TIAM1: variants seen among roughly 807,000 people sequenced by gnomAD.
TIAM1 encodes the protein rho guanine nucleotide exchange factor TIAM1.
A neutral mutation model predicts 163.5 loss-of-function variants in TIAM1; 65 were observed. The observed-to-expected ratio is 0.40, with a 90% CI of 0.33 to 0.49. The LOEUF is 0.49. Among genes scored for constraint, TIAM1 ranks in the 20% least tolerant of loss-of-function variants. TIAM1 has a pLI of 0.77. For missense variants in TIAM1, 1,789 were observed against 2,044.7 expected, an observed-to-expected ratio of 0.87 and a Z score of 2.41; for synonymous variants, 833 against 810.1, an observed-to-expected ratio of 1.03 and a Z score of -0.48.
At chr21:31,475,699 C>A (rs1602373252) in intron 1 of TIAM1, among the ~76,000 whole-genome samples, 1 of 152,360 alleles carries the variant, frequency 6.6e-6, no homozygotes, top group African/African-American at 2.4e-5. Flanking sequence ...CCCATGTGGC[C>A]TGTCCTCCAG....
rs201116117 is a variant in TIAM1 at position 31,120,744 on chromosome 21, G to A, written c.4400C>T (p.Pro1467Leu). Residue 1467 changes from proline to leucine, a missense_variant, in exon 28 of 28, where the codon CCG becomes CTG. By Grantham distance (98) the Pro-to-Leu change is moderately conservative. Around this residue, in one of 5 missense-constraint regions of TIAM1, gnomAD observed 415 missense variants for 439.2 expected, o/e 0.94. Transcript: ENST00000541036. This position sits in a 1 kb window ranked among gnomAD's most constrained non-coding sequence, Gnocchi z 4.2. ...IDSDAVSASS[P>L]EKESQQPPGG... is the part of the protein sequence containing the mutation. ...GGGGGGCTGCTGGGACTCTTTCTCC[G>A]GGCTGCTTGCGGAGACGGCATCAGA... 2.0e-4 allele frequency: 317 copies of A among 1,613,886 alleles called. 1 individual carries two copies. The highest frequency in any genetic ancestry group is 3.3e-4 in the Middle Eastern group (2 of 6,084).
At chr21:31,379,187 G>A (rs2076737483) in intron 2 of TIAM1, among the ~76,000 whole-genome samples, 1 of 152,152 alleles carries the variant, frequency 6.6e-6, no homozygotes, top group Non-Finnish European at 1.5e-5. Context: ...GGCTAGGCTG[G>A]TCTTGAACTC....
chr21:31,135,894 G>GACTT, intron 23 of TIAM1, 39 bp downstream of exon 23: 1 of 1,565,644 alleles, frequency 6.4e-7, no homozygotes, highest in South Asian at 1.1e-5. Context: ...AACTAAGCTA[G>GACTT]ACTTTTCCCC....
At chr21:31,175,688 T>A (rs2146410119) in intron 15 of TIAM1, among the ~76,000 whole-genome samples, 4 of 152,182 alleles carry the variant, frequency 2.6e-5, no homozygotes, top group African/African-American at 9.6e-5. Flanking sequence ...AACCTCTGCC[T>A]CCCAGGTTCA....
intron 1 of TIAM1, among the ~76,000 whole-genome samples, chr21:31,524,668 A>C (rs576869192): frequency 6.6e-6 from 1 of 152,368 alleles, no homozygotes; most frequent in Admixed American, 6.5e-5. Context: ...CAAGCTTATA[A>C]GCAAAAGAGC....
intron 2 of TIAM1, among the ~76,000 whole-genome samples, chr21:31,309,969 A>C (rs1173594680): frequency 4.6e-5 from 7 of 152,248 alleles, no homozygotes; most frequent in Non-Finnish European, 1.0e-4. Flanking sequence ...AATGCAAATC[A>C]AATACCCAGC....
chr21:31,209,992 T>C (rs1030274645), intron 11 of TIAM1, 53 bp downstream of exon 11: 323 of 1,563,308 alleles, frequency 2.1e-4, no homozygotes, highest in Middle Eastern at 1.3e-3. Context: ...CTTAGAAGAT[T>C]GCTACACCCC....
intron 12 of TIAM1, among the ~76,000 whole-genome samples, chr21:31,195,627 T>C (rs748403903): frequency 2.0e-5 from 3 of 152,114 alleles, no homozygotes; most frequent in Non-Finnish European, 2.9e-5. Flanking sequence ...AAAAAGTTTA[T>C]TAAAATCAAG....
In TIAM1 at chr21:31,141,075, T is replaced by C; in HGVS notation, c.3774+43A>G. 3 of 1,458,034 alleles carry C rather than the reference T, an allele frequency of 2.1e-6. No homozygotes were observed. Among genetic ancestry groups the C allele is most frequent in the South Asian group, 2.6e-5 (2 of 78,344 alleles). The allele number at this position is 1,458,034 out of a possible 1,614,324, so 90.3% of individuals were successfully genotyped here. A position where few individuals can be genotyped will look rare whatever the true frequency, so the allele number is the denominator to read the frequency against. ...TAAATAAATAAAAGCAAACTCAAACTCGGCTTTCCTGACAGATGTCCTGAG... is the reference window on the plus strand; with the variant it reads ...TAAATAAATAAAAGCAAACTCAAACCCGGCTTTCCTGACAGATGTCCTGAG... On this transcript the variant is annotated intron_variant, in intron 22 of 27. Coordinates refer to ENST00000541036, the MANE Select transcript of TIAM1 (RefSeq NM_001353694.2). This position sits in a 1 kb window ranked among gnomAD's most constrained non-coding sequence, Gnocchi z 4.7.
rs1203118468 is a variant in TIAM1, at chr21:31,394,713, C to T, written c.-368-55291G>A. Among the ~76,000 whole-genome samples, 351 of 117,964 alleles carry T rather than the reference C, an allele frequency of 3.0e-3. 6 individuals are homozygous for T. Among genetic ancestry groups the T allele is most frequent in the African/African-American group, 0.011 (341 of 29,874 alleles). 77.4% of individuals were successfully genotyped at this position (117,964 alleles called of 152,430 possible). A position where few individuals can be genotyped will look rare whatever the true frequency, so the allele number is the denominator to read the frequency against. On this transcript the variant is annotated intron_variant, in intron 2 of 28. Transcript: ENST00000286827. Reference sequence around the variant, plus strand: ...TCTCTCTCTCTCTCTCTCTCGCTCTCTCTCTCTCTCTCTCTCACACACACA... The same window carrying T: ...TCTCTCTCTCTCTCTCTCTCGCTCTTTCTCTCTCTCTCTCTCACACACACA...
At chr21:31,165,551 G>A (rs963681698) in intron 15 of TIAM1, among the ~76,000 whole-genome samples, 8 of 152,036 alleles carry the variant, frequency 5.3e-5, no homozygotes, top group Non-Finnish European at 1.0e-4. Flanking sequence ...AAACTGAATT[G>A]GTTAGTACCC....
intron 1 of TIAM1, among the ~76,000 whole-genome samples, chr21:31,515,071 C>G (rs998401840): frequency 2.0e-5 from 3 of 152,214 alleles, no homozygotes; most frequent in Non-Finnish European, 4.4e-5. Context: ...GTGGATTTGA[C>G]TACACTTTTG....
At chr21:31,165,713 C>G (rs1020143720) in intron 15 of TIAM1, among the ~76,000 whole-genome samples, 4 of 151,500 alleles carry the variant, frequency 2.6e-5, no homozygotes, top group Non-Finnish European at 5.9e-5. Context: ...AAAAAATTAA[C>G]TGATTTTGTT....
intron 1 of TIAM1, among the ~76,000 whole-genome samples, chr21:31,519,063 C>T (rs540712143): frequency 6.6e-6 from 1 of 152,194 alleles, no homozygotes; most frequent in Non-Finnish European, 1.5e-5. Flanking sequence ...AATCCCAGCA[C>T]TTTGGGAGGC....
At chr21:31,306,237 T>C (rs1463538966) in intron 2 of TIAM1, among the ~76,000 whole-genome samples, 2 of 151,958 alleles carry the variant, frequency 1.3e-5, no homozygotes, top group African/African-American at 4.8e-5. Context: ...TGAGTTCTGA[T>C]TGCACCACTG....
At chr21:31,400,488 A>C in intron 2 of TIAM1, among the ~76,000 whole-genome samples, 1 of 152,008 alleles carries the variant, frequency 6.6e-6, no homozygotes, top group East Asian at 1.9e-4. Flanking sequence ...TGAAATATAC[A>C]CTCCAGGAGA....
intron 16 of TIAM1, chr21:31,160,744 C>T (rs2083874559): frequency 2.7e-6 from 1 of 373,622 alleles, no homozygotes; most frequent in Non-Finnish European, 4.7e-6. Flanking sequence ...CCCGGAGCTG[C>T]ACTCGCTTCC....
chr21:31,424,720 G>T (rs772462996), intron 2 of TIAM1, among the ~76,000 whole-genome samples: 1 of 152,168 alleles, frequency 6.6e-6, no homozygotes, highest in African/African-American at 2.4e-5. Flanking sequence ...AGACTGCACA[G>T]GAATGTAAAT....
At chr21:31,292,443 C>T (rs2074059736) in intron 2 of TIAM1, among the ~76,000 whole-genome samples, 4 of 150,966 alleles carry the variant, frequency 2.6e-5, no homozygotes, top group Admixed American at 2.6e-4. Flanking sequence ...GATCTCGGCT[C>T]ACTGCAGCCT....
Sources: allele counts gnomAD v4.1 joint callset (sites outside exome capture counted in the v4.1 genomes callset), GRCh38; gene constraint gnomAD v4.1.1; regional missense constraint gnomAD v4.1.1; non-coding constraint Gnocchi (gnomAD v3.1); transcripts MANE v1.5; gene names NCBI Gene and HGNC (gene_info 2026-07-23, HGNC 2026-07-21).